Variants in ATP2B2 observed in about 807,000 individuals in gnomAD.
The protein encoded by ATP2B2 is ATPase plasma membrane Ca2+ transporting 2, also known as plasma membrane calcium-transporting ATPase 2.
A neutral mutation model predicts 120.0 loss-of-function variants in ATP2B2; 15 were observed. The observed-to-expected ratio is 0.12, with a 90% confidence interval of 0.08 to 0.19. The LOEUF (loss-of-function observed/expected upper bound fraction) is 0.19, where lower values mean the gene tolerates loss of function less well. ATP2B2 is among the 10% of genes least tolerant of loss of function. ATP2B2 has a pLI of 1.00. For synonymous variants in ATP2B2, 694 were observed against 700.3 expected, an observed-to-expected ratio of 0.99 and a Z score of 0.14; for missense variants, 1,045 against 1,719.8, an observed-to-expected ratio of 0.61 and a Z score of 6.94.
At chr3:10,472,892 T>G (rs932074379) in intron 1 of ATP2B2, among the ~76,000 whole-genome samples, 17 of 152,238 alleles carry the variant, frequency 1.1e-4, no homozygotes, top group African/African-American at 3.9e-4. Context: ...GCCTCATTTA[T>G]CATCTCAGTA....
At position 10,652,932 on chromosome 3, in the gene ATP2B2, C is replaced by T. The variant is rs940011266; in HGVS notation, c.-459-32971G>A. 3.3e-5 allele frequency among the ~76,000 whole-genome samples: 5 copies of T among 152,064 alleles called. No individual in the cohort carries two copies. In the East Asian group the frequency reaches 5.8e-4, roughly 18 times the overall value. ...GAAAGTGAGTGGTGGTTCCTGGGGG[C>T]TTGGGGAGAACAGGGATTTAGTGTT... On this transcript the variant is annotated intron_variant, in intron 1 of 21. Coordinates refer to the ATP2B2 transcript ENST00000646379.
At position 10,328,571 on chromosome 3, in the gene ATP2B2, G is replaced by A. The variant is rs866839019; in HGVS notation, c.*243C>T. 7 of 526,484 alleles carry A rather than the reference G, an allele frequency of 1.3e-5. No homozygotes were observed. The highest frequency in any genetic ancestry group is 3.5e-5 in the Admixed American group (1 of 28,684). 32.6% of individuals were successfully genotyped at this position (526,484 alleles called of 1,614,324 possible). Reference sequence around the variant, plus strand: ...AGGAAGGGCTTGTTTTGGGAAAACCGCTCACTCCCGTAAGCCCCCAGTGGA... The same window carrying A: ...AGGAAGGGCTTGTTTTGGGAAAACCACTCACTCCCGTAAGCCCCCAGTGGA... On this transcript the variant is annotated 3_prime_UTR_variant, in exon 23 of 23. Transcript: ENST00000360273.
chr3:10,611,745 G>A lies in ATP2B2; in HGVS notation c.-415+8172C>T, dbSNP rs1270775686. ...TTGCCTATAGACATCCTTTCCCATC[G>A]TCATTCACTTCTAACTCTGGCAATT... On this transcript the variant is annotated intron_variant, in intron 2 of 21. Coordinates refer to the ATP2B2 transcript ENST00000646379. Among the ~76,000 whole-genome samples the A allele has an allele frequency of 2.6e-5, 4 of 152,022 alleles. No homozygotes were observed. In the East Asian group the frequency reaches 5.8e-4, roughly 22 times the overall value.
intron 1 of ATP2B2, among the ~76,000 whole-genome samples, chr3:10,653,073 T>G (rs2070510125): frequency 6.6e-6 from 1 of 152,162 alleles, no homozygotes; most frequent in African/African-American, 2.4e-5. Flanking sequence ...ACCTAAAAAC[T>G]GCTAAGATGG....
rs1275984849 is a variant in ATP2B2, at chr3:10,635,397, C to A, written c.-459-15436G>T. Among the ~76,000 whole-genome samples, 1 of 152,146 alleles carries A rather than the reference C, an allele frequency of 6.6e-6. No homozygotes were observed. Among genetic ancestry groups the A allele is most frequent in the African/African-American group, 2.4e-5 (1 of 41,428 alleles). The stretch of plus-strand genomic sequence containing the variant: ...ACAGCTCTAAAAGCCTCCTGCATTT[C>A]CCTTCCCTCCTCCAGTGACAGACTG... On this transcript the variant is annotated intron_variant, in intron 1 of 21. Transcript: ENST00000646379. The surrounding 1 kb of genome is among the most constrained non-coding windows in gnomAD (Gnocchi z 4.3).
At chr3:10,427,780 A>C (rs938338972) in intron 2 of ATP2B2, among the ~76,000 whole-genome samples, 6 of 151,938 alleles carry the variant, frequency 3.9e-5, no homozygotes, top group African/African-American at 1.4e-4. Context: ...CTGGTCTGTC[A>C]CCTCCTCTTG....
At chr3:10,598,362 T>C (rs923272998) in intron 2 of ATP2B2, among the ~76,000 whole-genome samples, 4 of 152,214 alleles carry the variant, frequency 2.6e-5, no homozygotes, top group Non-Finnish European at 5.9e-5. Flanking sequence ...TTTACTCACC[T>C]GTGAAGTGGA....
intron 1 of ATP2B2, among the ~76,000 whole-genome samples, chr3:10,489,182 C>T (rs2065842627): frequency 1.3e-5 from 2 of 152,232 alleles, no homozygotes; most frequent in Admixed American, 6.5e-5. Flanking sequence ...TTAGGAAAGT[C>T]TTCCCTGACC....
intron 2 of ATP2B2, among the ~76,000 whole-genome samples, chr3:10,425,575 C>T (rs143497823): frequency 1.1e-4 from 16 of 152,114 alleles, no homozygotes; most frequent in Admixed American, 3.3e-4. Flanking sequence ...AATAAGGTAA[C>T]GAGTGTGACG....
rs947558820 is a variant in ATP2B2, at chr3:10,635,934, C to T, written c.-459-15973G>A. Among the ~76,000 whole-genome samples, 9 of 152,202 alleles carry T rather than the reference C, an allele frequency of 5.9e-5. No individual in the cohort carries two copies. The highest frequency in any genetic ancestry group is 2.2e-4 in the African/African-American group (9 of 41,450). On this transcript the variant is annotated intron_variant, in intron 1 of 21. Coordinates refer to the ATP2B2 transcript ENST00000646379. The surrounding 1 kb of genome is among the most constrained non-coding windows in gnomAD (Gnocchi z 4.3). ...AGCCTCTCAGGGATGAGCCTCCAGG[C>T]AGAGGGCCCCCTGGACCTACCCAAA...
intron 1 of ATP2B2, among the ~76,000 whole-genome samples, chr3:10,649,699 T>C (rs2070404153): frequency 6.6e-6 from 1 of 152,208 alleles, no homozygotes; most frequent in Non-Finnish European, 1.5e-5. Context: ...CCATATCTCA[T>C]CTTGAATTCC....
At chr3:10,581,137 C>A (rs1314742970) in intron 2 of ATP2B2, among the ~76,000 whole-genome samples, 5 of 152,220 alleles carry the variant, frequency 3.3e-5, no homozygotes, top group African/African-American at 1.2e-4. Context: ...GGTCATGCAA[C>A]CAGTAGGCAG....
At chr3:10,431,257 A>C (rs1252092387) in intron 2 of ATP2B2, among the ~76,000 whole-genome samples, 1 of 152,178 alleles carries the variant, frequency 6.6e-6, no homozygotes, top group Non-Finnish European at 1.5e-5. Context: ...CCAATTTTGA[A>C]AGTGGTCTAC....
In ATP2B2 at chr3:10,652,479, C is replaced by T. The variant is rs544940314; in HGVS notation, c.-459-32518G>A. ...ATTATAACACCATGCATTGATGTTA[C>T]AGGGCGCCCTGAATCCAGGGAGGTC... is the stretch of plus-strand genomic sequence containing the variant. On this transcript the variant is annotated intron_variant, in intron 1 of 21. Coordinates refer to the ATP2B2 transcript ENST00000646379. Among the ~76,000 whole-genome samples the T allele has an allele frequency of 2.8e-4, 42 of 152,318 alleles. No homozygotes were observed. The South Asian group carries it at 5.2e-3, about 19-fold the overall frequency.
At chr3:10,664,643 G>C (rs927121740) in intron 1 of ATP2B2, among the ~76,000 whole-genome samples, 1 of 152,150 alleles carries the variant, frequency 6.6e-6, no homozygotes, top group African/African-American at 2.4e-5. Flanking sequence ...TTGTGAGCCT[G>C]GGATCTGGGT....
chr3:10,359,055 C>T lies in ATP2B2; in HGVS notation c.1902-130G>A, dbSNP rs564705765. 10 of 884,886 alleles carry T rather than the reference C, an allele frequency of 1.1e-5. No individual in the cohort carries two copies. The African/African-American group carries it at 1.3e-4, about 12-fold the overall frequency. The allele number at this position is 884,886 out of a possible 1,614,324, so 54.8% of individuals were successfully genotyped here. A position where few individuals can be genotyped will look rare whatever the true frequency, so the allele number is the denominator to read the frequency against. On this transcript the variant is annotated intron_variant, in intron 13 of 22. Coordinates refer to ENST00000360273, the MANE Select transcript of ATP2B2 (RefSeq NM_001001331.4). ...CATCCAGTGCCCATCTAGTTCATCC[C>T]CCAGGCAGGGTGAAATCAAGCATTC...
chr3:10,350,304 C>T (rs1193568885), intron 15 of ATP2B2, 94 bp downstream of exon 15: 2 of 1,592,734 alleles, frequency 1.3e-6, no homozygotes, highest in African/African-American at 2.7e-5. Flanking sequence ...CTTAGCAGCA[C>T]ACTGGCTGGC....
intron 2 of ATP2B2, among the ~76,000 whole-genome samples, chr3:10,550,684 T>G (rs1036600712): frequency 1.3e-5 from 2 of 152,108 alleles, no homozygotes; most frequent in Admixed American, 1.3e-4. Flanking sequence ...CCCTCCAGGA[T>G]CCCAGGCTGC....
chr3:10,337,747 C>A (rs1455445550), intron 22 of ATP2B2, among the ~76,000 whole-genome samples: 1 of 152,056 alleles, frequency 6.6e-6, no homozygotes, highest in African/African-American at 2.4e-5. Context: ...GCGGCGGACC[C>A]CCTGACCACC....
Sources: gnomAD v4.1 joint callset for allele counts (sites outside exome capture counted in the v4.1 genomes callset) on GRCh38, gnomAD v4.1.1 for gene constraint, Gnocchi (gnomAD v3.1) non-coding constraint, MANE v1.5 for transcripts, NCBI Gene and HGNC (gene_info 2026-07-23, HGNC 2026-07-21) for gene names.